Variants in EIF4ENIF1 observed in about 807,000 individuals in gnomAD.
The protein encoded by EIF4ENIF1 is eukaryotic translation initiation factor 4E transporter.
In EIF4ENIF1, 23 loss-of-function variants were observed where a neutral mutation model predicts 110.5. That is an observed-to-expected ratio of 0.21 (90% CI 0.15 to 0.29). EIF4ENIF1 has a LOEUF of 0.29. EIF4ENIF1 is among the 10% of genes least tolerant of loss of function. The pLI, the probability that EIF4ENIF1 is intolerant of heterozygous loss-of-function variation, is 1.00. For missense variants in EIF4ENIF1, 1,031 were observed against 1,221.1 expected, an observed-to-expected ratio of 0.84 and a Z score of 2.32; for synonymous variants, 440 against 437.0, an observed-to-expected ratio of 1.01 and a Z score of -0.09.
chr22:31,449,422 G>A lies in EIF4ENIF1; in HGVS notation c.1694C>T (p.Pro565Leu), dbSNP rs1452349989. Residue 565 changes from proline (P) to leucine (L), a missense_variant, in exon 12 of 19, where the codon CCT (proline) becomes CTT (leucine). Physicochemically the swap from Pro to Leu is moderately conservative, Grantham distance 98. Coordinates refer to ENST00000330125, the MANE Select transcript of EIF4ENIF1 (RefSeq NM_019843.4). The part of the protein sequence containing the change: ...TSLLGQRAPS[P>L]PLSQVFQTRA... ...AGTTTGAAACACCTGTGACAAGGGAGGAGAGGGTGCTCTTTGGCCCAGTAA... is the reference window on the plus strand; with the variant it reads ...AGTTTGAAACACCTGTGACAAGGGAAGAGAGGGTGCTCTTTGGCCCAGTAA... 6.2e-7 allele frequency: 1 copy of A among 1,614,196 alleles called. No homozygotes were observed. The highest frequency in any genetic ancestry group is 8.5e-7 in the Non-Finnish European group (1 of 1,180,032).
chr22:31,456,287 G>C (rs561004650), intron 7 of EIF4ENIF1, among the ~76,000 whole-genome samples: 2 of 145,300 alleles, frequency 1.4e-5, no homozygotes, highest in East Asian at 2.1e-4. Context: ...GCAGTGGCAC[G>C]ATCTCGGCTC....
At chr22:31,479,705 TTA>T (rs1240404727) in intron 2 of EIF4ENIF1, among the ~76,000 whole-genome samples, 14 of 150,438 alleles carry the variant, frequency 9.3e-5, no homozygotes, top group Non-Finnish European at 7.4e-5. Flanking sequence ...TTTTTTTTTT[TTA>T]ATCTATCCTT....
chr22:31,463,245 C>T, intron 5 of EIF4ENIF1, 112 bp from the exon 6 acceptor site: 1 of 1,032,878 alleles, frequency 9.7e-7, no homozygotes, highest in East Asian at 2.6e-5. Flanking sequence ...ATGCTGTATA[C>T]CTGAGGCCCA....
chr22:31,484,685 T>C (rs542380527), intron 2 of EIF4ENIF1, among the ~76,000 whole-genome samples: 1 of 152,170 alleles, frequency 6.6e-6, no homozygotes, highest in East Asian at 1.9e-4. Flanking sequence ...AAGACAAAAA[T>C]TAGCCGGGCG....
At chr22:31,448,289 C>T in intron 12 of EIF4ENIF1, 57 bp from the exon 13 acceptor site, 2 of 1,548,864 alleles carry the variant, frequency 1.3e-6, no homozygotes, top group Non-Finnish European at 1.8e-6. Context: ...ATCAGGGAGG[C>T]ATTTTCATTA....
At chr22:31,455,378 A>G in intron 8 of EIF4ENIF1, 63 bp from the exon 9 acceptor site, 1 of 1,235,288 alleles carries the variant, frequency 8.1e-7, no homozygotes, top group Non-Finnish European at 1.1e-6. Context: ...TGCCTTCGAC[A>G]GTATTTTTCT....
intron 2 of EIF4ENIF1, among the ~76,000 whole-genome samples, chr22:31,477,665 C>T (rs1418336126): frequency 1.3e-5 from 2 of 152,202 alleles, no homozygotes; most frequent in Non-Finnish European, 2.9e-5. Flanking sequence ...TACACACTGA[C>T]ATTAACCACA....
At chr22:31,491,820 G>A (rs1361145011), upstream of EIF4ENIF1, among the ~76,000 whole-genome samples, 1 of 152,170 alleles carries the variant, frequency 6.6e-6, no homozygotes, top group Non-Finnish European at 1.5e-5. Context: ...TGGGATTACA[G>A]GCATGAGCCA....
chr22:31,469,968 A>C (rs1251792828), intron 3 of EIF4ENIF1, among the ~76,000 whole-genome samples: 1 of 152,038 alleles, frequency 6.6e-6, no homozygotes, highest in Non-Finnish European at 1.5e-5. Context: ...GTTCGAGACC[A>C]GCCTGGCCAA....
chr22:31,469,755 T>C lies in EIF4ENIF1; in HGVS notation c.171-1453A>G, dbSNP rs140076851. Among the ~76,000 whole-genome samples the C allele has an allele frequency of 7.2e-5, 11 of 152,320 alleles. No individual in the cohort carries two copies. The East Asian group carries it at 1.7e-3, about 24-fold the overall frequency. On this transcript the variant is annotated intron_variant, in intron 3 of 18. Transcript: ENST00000330125. ...TCACCCAGGCTGGAATGCAGTGGCA[T>C]GATTATACCTCACTGCAGCCTGAAA...
upstream of EIF4ENIF1, among the ~76,000 whole-genome samples, chr22:31,493,176 G>A (rs1031047610): frequency 6.7e-5 from 10 of 149,170 alleles, no homozygotes; most frequent in South Asian, 2.2e-4. Context: ...GACTACAGGC[G>A]CCCGCCACCA....
intron 10 of EIF4ENIF1, chr22:31,450,687 G>C: frequency 3.3e-6 from 1 of 305,674 alleles, no homozygotes; most frequent in Non-Finnish European, 6.3e-6. Flanking sequence ...GATAACTCTT[G>C]CTACCCATTA....
intron 16 of EIF4ENIF1, 23 bp downstream of exon 16, chr22:31,442,939 T>G (rs975491489): frequency 1.2e-6 from 2 of 1,612,004 alleles, no homozygotes. Flanking sequence ...TCTTGAGCAG[T>G]GCCCTTAACA....
intron 2 of EIF4ENIF1, among the ~76,000 whole-genome samples, chr22:31,474,019 A>G (rs1464187239): frequency 1.3e-5 from 2 of 150,670 alleles, no homozygotes; most frequent in African/African-American, 2.4e-5. Context: ...CTGTTTATAT[A>G]CCTATGTATT....
At chr22:31,443,401 G>C (rs2050364743) in intron 15 of EIF4ENIF1, 2 of 223,856 alleles carry the variant, frequency 8.9e-6, no homozygotes, top group South Asian at 2.0e-4. Context: ...AATATAACTT[G>C]GAGCAACAGA....
intron 14 of EIF4ENIF1, among the ~76,000 whole-genome samples, chr22:31,446,000 A>C (rs1601563623): frequency 6.8e-6 from 1 of 146,850 alleles, no homozygotes; most frequent in Non-Finnish European, 1.5e-5. Context: ...AGATCATATA[A>C]AATTCTGGGC....
intron 10 of EIF4ENIF1, among the ~76,000 whole-genome samples, chr22:31,452,288 A>AT (rs2050697310): frequency 6.6e-6 from 1 of 152,214 alleles, no homozygotes. Context: ...ATTGAGCAAT[A>AT]TTTTGAGATA....
intron 2 of EIF4ENIF1, among the ~76,000 whole-genome samples, chr22:31,484,635 A>G (rs1169548855): frequency 6.6e-6 from 1 of 152,128 alleles, no homozygotes; most frequent in East Asian, 1.9e-4. Flanking sequence ...GGAGTTTGAC[A>G]CCAGCCTGAC....
At chr22:31,476,894 G>A (rs2051593642) in intron 2 of EIF4ENIF1, among the ~76,000 whole-genome samples, 1 of 151,414 alleles carries the variant, frequency 6.6e-6, no homozygotes, top group Non-Finnish European at 1.5e-5. Context: ...CAGCTACTTG[G>A]GAGGCTGAGG....
Sources: allele counts gnomAD v4.1 joint callset (sites outside exome capture counted in the v4.1 genomes callset), GRCh38; gene constraint gnomAD v4.1.1; transcripts MANE v1.5; gene names NCBI Gene and HGNC (gene_info 2026-07-23, HGNC 2026-07-21).